USH2A: variants seen among roughly 807,000 people sequenced by gnomAD.
The protein encoded by USH2A is Usher syndrome 2A (autosomal recessive, mild).
USH2A carries 443 observed loss-of-function variants against 538.9 expected under a neutral mutation model. That is an observed-to-expected ratio of 0.82 (90% CI 0.76 to 0.89). The LOEUF is 0.89. Ranked by LOEUF, USH2A falls within the 40% of genes least tolerant of loss-of-function variation. The pLI, the probability that USH2A is intolerant of heterozygous loss-of-function variation, is 0.00. For missense variants in USH2A, 6,633 were observed against 6,324.8 expected (o/e 1.05, Z -1.65); for synonymous variants, 2,413 against 2,273.5 (o/e 1.06, Z -1.75).
rs764479854 is a variant in USH2A at position 216,199,772 on chromosome 1, C to T, written c.3666G>A (p.Ala1222=). 2.7e-5 allele frequency: 44 copies of T among 1,613,988 alleles called. No homozygotes were observed. Among genetic ancestry groups the T allele is most frequent in the East Asian group, 2.7e-4 (12 of 44,852 alleles). The change falls in exon 17 of 72, where the codon GCG becomes GCA. Residue 1222 remains alanine, a synonymous_variant. Transcript: ENST00000307340. ...PFAKYDFSVQ[A]CTSGGCLHSL... ...TGTGTAAACAGCCCCCGCTAGTACACGCCTGTACAGAAAAATCGTACTTGG... is the reference window on the plus strand; with the variant it reads ...TGTGTAAACAGCCCCCGCTAGTACATGCCTGTACAGAAAAATCGTACTTGG...
chr1:216,331,611 A>G (rs2037864393), intron 4 of USH2A, among the ~76,000 whole-genome samples: 1 of 152,154 alleles, frequency 6.6e-6, no homozygotes, highest in Admixed American at 6.5e-5. Context: ...AATTTCCATG[A>G]CTGTACATAA....
chr1:216,381,058 GA>G (rs527976973), intron 3 of USH2A, among the ~76,000 whole-genome samples: 6 of 151,552 alleles, frequency 4.0e-5, no homozygotes, highest in African/African-American at 7.3e-5. Flanking sequence ...CAGCCAATAA[GA>G]AAAAAAAGTG....
chr1:216,415,433 T>A (rs961298453), intron 3 of USH2A, among the ~76,000 whole-genome samples: 3 of 151,952 alleles, frequency 2.0e-5, no homozygotes, highest in Admixed American at 6.6e-5. Flanking sequence ...TTCCTATAAA[T>A]TTTATTCTTA....
intron 55 of USH2A, among the ~76,000 whole-genome samples, chr1:215,776,217 C>T (rs61056565): frequency 0.07 from 10,685 of 152,158 alleles, 740 homozygotes; most frequent in East Asian, 0.36. Context: ...AGCTGCCATG[C>T]GCTGTTTGCA....
At chr1:215,712,875 G>A (rs761549300) in intron 61 of USH2A, among the ~76,000 whole-genome samples, 4 of 151,200 alleles carry the variant, frequency 2.6e-5, no homozygotes, top group African/African-American at 4.9e-5. Context: ...GGCAGATCTC[G>A]GCTCACTGCA....
chr1:215,792,123 C>A (rs972289524), intron 50 of USH2A, among the ~76,000 whole-genome samples: 16 of 152,208 alleles, frequency 1.1e-4, no homozygotes, highest in Admixed American at 6.5e-4. Flanking sequence ...CTCTCATTCC[C>A]AAATTACTTC....
At chr1:216,231,767 C>T (rs1051434119) in intron 14 of USH2A, among the ~76,000 whole-genome samples, 186 bp downstream of exon 14, 3 of 151,994 alleles carry the variant, frequency 2.0e-5, no homozygotes, top group Non-Finnish European at 2.9e-5. Flanking sequence ...AGGATGATAT[C>T]GACCTCTTGA....
intron 31 of USH2A, among the ~76,000 whole-genome samples, chr1:216,047,820 A>C (rs2102526074): frequency 6.6e-6 from 1 of 152,324 alleles, no homozygotes; most frequent in South Asian, 2.1e-4. Context: ...GAATAGAGAA[A>C]TATGAAGTAA....
chr1:216,345,202 T>A (rs1558047530), intron 4 of USH2A, among the ~76,000 whole-genome samples: 1 of 152,020 alleles, frequency 6.6e-6, no homozygotes, highest in East Asian at 1.9e-4. Flanking sequence ...TTTCTCTTAC[T>A]CAGGGTGACC....
intron 3 of USH2A, among the ~76,000 whole-genome samples, chr1:216,404,074 G>A (rs1417309833): frequency 6.6e-6 from 1 of 152,066 alleles, no homozygotes; most frequent in Non-Finnish European, 1.5e-5. Flanking sequence ...CCAGTCTCTG[G>A]TAGTATCTTT....
chr1:216,365,145 A>G (rs1429830773), intron 3 of USH2A, 60 bp from the exon 4 acceptor site: 1 of 1,552,484 alleles, frequency 6.4e-7, no homozygotes, highest in African/African-American at 1.4e-5. Flanking sequence ...TATATTAAAC[A>G]CATTTCAGCA....
intron 3 of USH2A, among the ~76,000 whole-genome samples, chr1:216,385,009 G>A (rs556723400): frequency 6.6e-6 from 1 of 152,266 alleles, no homozygotes; most frequent in East Asian, 1.9e-4. Flanking sequence ...GTGAGTCAGA[G>A]GTGAAATTTT....
chr1:216,236,498 G>C (rs113758437), intron 13 of USH2A, among the ~76,000 whole-genome samples: 360 of 152,206 alleles, frequency 2.4e-3, no homozygotes, highest in African/African-American at 8.3e-3. Flanking sequence ...TTACTCAATA[G>C]ATGTTTATTG....
chr1:216,245,349 A>G (rs1208332806), intron 13 of USH2A, among the ~76,000 whole-genome samples: 18 of 152,158 alleles, frequency 1.2e-4, no homozygotes, highest in Non-Finnish European at 1.6e-4. Context: ...TCTAGAAATT[A>G]TAACTAAGAG....
At chr1:215,756,700 C>A (rs574929036) in intron 58 of USH2A, among the ~76,000 whole-genome samples, 1 of 151,942 alleles carries the variant, frequency 6.6e-6, no homozygotes, top group African/African-American at 2.4e-5. Flanking sequence ...CCAAGGTGGG[C>A]GGATCATGAA....
intron 11 of USH2A, among the ~76,000 whole-genome samples, chr1:216,281,961 T>C (rs1306615274): frequency 6.9e-6 from 1 of 145,432 alleles, no homozygotes; most frequent in East Asian, 2.2e-4. Context: ...TGATGACTAA[T>C]GTCAAAAATC....
chr1:216,258,897 G>A (rs1338513268), intron 11 of USH2A, among the ~76,000 whole-genome samples: 2 of 152,102 alleles, frequency 1.3e-5, no homozygotes, highest in Admixed American at 6.6e-5. Context: ...AACATTCAGA[G>A]AGAATTTTCA....
At chr1:215,692,255 G>A (rs4639727) in intron 61 of USH2A, among the ~76,000 whole-genome samples, 29,571 of 151,900 alleles carry the variant, frequency 0.19, 3,162 homozygotes, top group South Asian at 0.47. Context: ...GGTAGAAACA[G>A]GGAATAGTAA....
At chr1:216,149,244 C>T (rs968058973) in intron 21 of USH2A, among the ~76,000 whole-genome samples, 5 of 152,120 alleles carry the variant, frequency 3.3e-5, no homozygotes, top group African/African-American at 9.7e-5. Context: ...TAAGTAGAGG[C>T]CTTTCCTACC....
Sources: allele counts gnomAD v4.1 joint callset (sites outside exome capture counted in the v4.1 genomes callset), GRCh38; gene constraint gnomAD v4.1.1; transcripts MANE v1.5; gene names NCBI Gene and HGNC (gene_info 2026-07-23, HGNC 2026-07-21).